The following ITGAX variants were observed in gnomAD, a reference collection of about 807,000 sequenced individuals.
ITGAX encodes integrin subunit alpha X.
In ITGAX, 99 loss-of-function variants were observed where a neutral mutation model predicts 140.2. That is an observed-to-expected ratio of 0.71 (90% CI 0.60 to 0.83). The LOEUF (loss-of-function observed/expected upper bound fraction) is 0.83, where lower values mean the gene tolerates loss of function less well. Among genes scored for constraint, ITGAX ranks in the 40% least tolerant of loss-of-function variants. ITGAX has a pLI of 0.00. For synonymous variants in ITGAX, 631 were observed against 600.4 expected (o/e 1.05, Z -0.75); for missense variants, 1,444 against 1,482.0 (o/e 0.97, Z 0.42).
At chr16:31,361,737 T>A (rs1351176810) in intron 9 of ITGAX, 99 bp from the exon 10 acceptor site, 54 of 1,294,136 alleles carry the variant, frequency 4.2e-5, no homozygotes, top group Non-Finnish European at 5.4e-5. Flanking sequence ...CAGCTCTCCC[T>A]GTAGCCTCCA....
In ITGAX at chr16:31,382,407, G is replaced by A. The variant is rs1367879981; in HGVS notation, c.*500G>A. The A allele has an allele frequency of 1.8e-5, 28 of 1,532,906 alleles. No individual in the cohort carries two copies. Among genetic ancestry groups the A allele is most frequent in the East Asian group, 1.7e-4 (7 of 40,854 alleles). The allele number at this position is 1,532,906 out of a possible 1,614,324, so 95.0% of individuals were successfully genotyped here. On this transcript the variant is annotated 3_prime_UTR_variant, in exon 30 of 30. Coordinates refer to ENST00000268296, the MANE Select transcript of ITGAX (RefSeq NM_000887.5). Reference sequence around the variant, plus strand: ...ACTACAGGCACACGCCACCTCGCCCGGCCCGATCTTTCTAAAATACAGTTC... The same window carrying A: ...ACTACAGGCACACGCCACCTCGCCCAGCCCGATCTTTCTAAAATACAGTTC...
intron 5 of ITGAX, chr16:31,357,774 C>T (rs2080779471): frequency 9.7e-6 from 4 of 412,096 alleles, no homozygotes; most frequent in Non-Finnish European, 1.7e-5. Context: ...TGGTTTGTGC[C>T]GTAGTTTAGG....
chr16:31,372,422 C>A lies in ITGAX; in HGVS notation c.2205C>A (p.Asn735Lys), dbSNP rs764681339. 27 of 1,609,672 alleles carry A rather than the reference C, an allele frequency of 1.7e-5. No individual in the cohort carries two copies. Among genetic ancestry groups the A allele is most frequent in the Non-Finnish European group, 2.2e-5 (26 of 1,178,874 alleles). Residue 735 changes from asparagine to lysine, a missense_variant, in exon 18 of 30, where the codon AAC (asparagine) becomes AAA (lysine). Asn to Lys is a moderately conservative substitution (Grantham distance 94). Coordinates refer to ENST00000268296, the MANE Select transcript of ITGAX (RefSeq NM_000887.5). ...DSVTPITLRLNFTLVGKPLLA... is the reference protein window; with the variant it reads ...DSVTPITLRLKFTLVGKPLLA... ...TGACCCCCATTACCTTGCGTCTGAACTTCACGCTGGTGGGCAAGCCCCTCC... is the reference window on the plus strand; with the variant it reads ...TGACCCCCATTACCTTGCGTCTGAAATTCACGCTGGTGGGCAAGCCCCTCC...
chr16:31,371,014 C>G, intron 14 of ITGAX, 70 bp from the exon 15 acceptor site: 1 of 1,596,970 alleles, frequency 6.3e-7, no homozygotes, highest in East Asian at 2.2e-5. Flanking sequence ...CCTCCATATT[C>G]CCCTTGTTAC....
chr16:31,380,576 A>C lies in ITGAX; in HGVS notation c.3228A>C (p.Thr1076=). 1 of 1,614,244 alleles carries C rather than the reference A, an allele frequency of 6.2e-7. No individual in the cohort carries two copies. The highest frequency in any genetic ancestry group is 8.5e-7 in the Non-Finnish European group (1 of 1,180,050). The change falls in exon 28 of 30, where the codon ACA becomes ACC. Residue 1076 remains threonine, a synonymous_variant. Transcript: ENST00000268296. The stretch of plus-strand genomic sequence containing the variant: ...GTGTGGCTGAAATTACGTTCGACAC[A>C]TCCGTGTACTCCCAGCTTCCAGGAC... ...VVSVAEITFD[T]SVYSQLPGQE...
At chr16:31,360,522 T>A (rs576017978) in intron 8 of ITGAX, 59 bp downstream of exon 8, 83 of 1,462,696 alleles carry the variant, frequency 5.7e-5, no homozygotes, top group Non-Finnish European at 7.6e-5. Flanking sequence ...CAACTCCCCT[T>A]TCTGTGTATG....
chr16:31,380,484 C>A, intron 27 of ITGAX, 39 bp from the exon 28 acceptor site: 3 of 1,613,862 alleles, frequency 1.9e-6, no homozygotes, highest in Non-Finnish European at 2.5e-6. Context: ...GAGCCTCCCC[C>A]AGAGCCAGTT....
At position 31,356,984 on chromosome 16, in the gene ITGAX, C is replaced by T. The variant is rs11574634; in HGVS notation, c.248-47C>T. 21 of 1,516,178 alleles carry T rather than the reference C, an allele frequency of 1.4e-5. No homozygotes were observed. In the African/African-American group the frequency reaches 2.9e-4, roughly 21 times the overall value. The allele number at this position is 1,516,178 out of a possible 1,614,324, so 93.9% of individuals were successfully genotyped here. A position where few individuals can be genotyped will look rare whatever the true frequency, so the allele number is the denominator to read the frequency against. On this transcript the variant is annotated intron_variant, in intron 3 of 29. Coordinates refer to ENST00000268296, the MANE Select transcript of ITGAX (RefSeq NM_000887.5). Reference sequence around the variant, plus strand: ...GACCCCTGCCCAGCTCTTCCACAGCCTTCTCTGTACCCCCGAGAGTGACCA... The same window carrying T: ...GACCCCTGCCCAGCTCTTCCACAGCTTTCTCTGTACCCCCGAGAGTGACCA...
Position 31,377,134 on chromosome 16 carries a change from TCTC to T in ITGAX, c.2706-41_2706-39del, listed in dbSNP as rs762285661. The T allele has an allele frequency of 2.5e-6, 4 of 1,610,130 alleles. No individual in the cohort carries two copies. In the African/African-American group the frequency reaches 4.0e-5, roughly 16 times the overall value. On this transcript the variant is annotated intron_variant, in intron 22 of 29. Coordinates refer to ENST00000268296, the MANE Select transcript of ITGAX (RefSeq NM_000887.5). ...CCTCATCTCCAGCCTCACACCCCAT[TCTC>T]CTCCTCTGGGGCCTCTGGCAACTGA... is the stretch of plus-strand genomic sequence containing the variant.
chr16:31,359,748 G>T lies in ITGAX; in HGVS notation c.479G>T (p.Gly160Val). Residue 160 changes from glycine (G) to valine (V), a missense_variant, in exon 6 of 30, where the codon GGC (glycine) becomes GTC (valine). Physicochemically the swap from Gly to Val is moderately radical, Grantham distance 109. Coordinates refer to ENST00000268296, the MANE Select transcript of ITGAX (RefSeq NM_000887.5). ...QDIVFLIDGS[G>V]SISSRNFATM... is the part of the protein sequence containing the mutation. Reference sequence around the variant, plus strand: ...ATTGTGTTCCTGATCGATGGCTCAGGCAGCATCTCCTCCCGCAACTTTGCC... The same window carrying T: ...ATTGTGTTCCTGATCGATGGCTCAGTCAGCATCTCCTCCCGCAACTTTGCC... The T allele has an allele frequency of 6.2e-7, 1 of 1,614,156 alleles. No homozygotes were observed. Among genetic ancestry groups the T allele is most frequent in the Non-Finnish European group, 8.5e-7 (1 of 1,180,026 alleles).
intron 19 of ITGAX, 110 bp from the exon 20 acceptor site, chr16:31,373,139 G>A: frequency 2.7e-6 from 2 of 735,124 alleles, no homozygotes; most frequent in South Asian, 1.8e-5. Context: ...AAGAACCCAG[G>A]GGTCCGTCCC....
At chr16:31,370,038 C>T (rs898472488) in intron 14 of ITGAX, 9 of 152,286 alleles carry the variant, frequency 5.9e-5, no homozygotes, top group Admixed American at 3.9e-4. Context: ...TCACTGCAAC[C>T]TCTGCCTCCC....
intron 2 of ITGAX, 53 bp downstream of exon 2, chr16:31,356,051 G>A (rs1469021886): frequency 1.5e-6 from 2 of 1,326,700 alleles, no homozygotes; most frequent in East Asian, 4.7e-5. Context: ...TCCCTGCTCA[G>A]GGCCCCATGC....
chr16:31,360,678 C>G (rs2080814563), intron 8 of ITGAX: 2 of 559,034 alleles, frequency 3.6e-6, no homozygotes, highest in African/African-American at 3.8e-5. Flanking sequence ...TGCCATCAAG[C>G]CTGGCTATTT....
At chr16:31,372,560 G>C (rs1406482148) in intron 18 of ITGAX, 37 bp from the exon 19 acceptor site, 1 of 1,613,844 alleles carries the variant, frequency 6.2e-7, no homozygotes, top group African/African-American at 1.3e-5. Flanking sequence ...GTGGGGCCTG[G>C]GTCTCGGAGA....
At position 31,380,054 on chromosome 16, in the gene ITGAX, A is replaced by C; in HGVS notation, c.3049A>C (p.Asn1017His). 1 of 1,614,100 alleles carries C rather than the reference A, an allele frequency of 6.2e-7. No individual in the cohort carries two copies. The highest frequency in any genetic ancestry group is 8.5e-7 in the Non-Finnish European group (1 of 1,179,970). ...TGACTTCCTGGCGCACATTCAGAAG[A>C]ATCCCGTGCTGGTGAGGAGGGCTCT... Reference protein sequence around the residue: ...ASDFLAHIQKNPVLDCSIAGC... With the variant: ...ASDFLAHIQKHPVLDCSIAGC... Residue 1017 changes from asparagine to histidine, a missense_variant, in exon 26 of 30, where the codon AAT (asparagine) becomes CAT (histidine). Physicochemically the swap from Asn to His is moderately conservative, Grantham distance 68 (BLOSUM62 1). Transcript: ENST00000268296.
chr16:31,361,071 A>C lies in ITGAX; in HGVS notation c.870A>C (p.Leu290Phe). The change falls in exon 9 of 30, where the codon TTA becomes TTC. Residue 290 changes from leucine (L) to phenylalanine (F), a missense_variant. Leu to Phe is a conservative substitution (Grantham distance 22). Coordinates refer to ENST00000268296, the MANE Select transcript of ITGAX (RefSeq NM_000887.5). ...GIIRYAIGVG[L>F]AFQNRNSWKE... ...ATCTTTTCTGGGGACAGGTTGGATT[A>C]GCTTTTCAAAACAGAAATTCTTGGA... The C allele has an allele frequency of 6.2e-7, 1 of 1,612,614 alleles. No homozygotes were observed. The highest frequency in any genetic ancestry group is 8.5e-7 in the Non-Finnish European group (1 of 1,179,694).
chr16:31,376,084 G>T (rs374055753), intron 20 of ITGAX, among the ~76,000 whole-genome samples: 267 of 152,276 alleles, frequency 1.8e-3, no homozygotes, highest in African/African-American at 6.1e-3. Context: ...ATGGTGTTTG[G>T]AATGTGCTTT....
Position 31,361,175 on chromosome 16 carries a change from T to C in ITGAX, c.974T>C (p.Ile325Thr). The C allele has an allele frequency of 6.2e-7, 1 of 1,613,476 alleles. No homozygotes were observed. Among genetic ancestry groups the C allele is most frequent in the Non-Finnish European group, 8.5e-7 (1 of 1,179,686 alleles). ...KVEDFDALKD[I>T]QNQLKEKIFA... ...GAGGACTTTGATGCTCTGAAAGATATTCAAAACCAACTGAAGGAGAAGATC... is the reference window on the plus strand; with the variant it reads ...GAGGACTTTGATGCTCTGAAAGATACTCAAAACCAACTGAAGGAGAAGATC... Residue 325 changes from isoleucine to threonine, a missense_variant, in exon 9 of 30, where the codon ATT (isoleucine) becomes ACT (threonine). Transcript: ENST00000268296.
Sources: allele counts gnomAD v4.1 joint callset (sites outside exome capture counted in the v4.1 genomes callset), GRCh38; gene constraint gnomAD v4.1.1; transcripts MANE v1.5; gene names NCBI Gene and HGNC (gene_info 2026-07-23, HGNC 2026-07-21).